GALNTL6: variants seen among roughly 807,000 people sequenced by gnomAD.
GALNTL6 encodes polypeptide N-acetylgalactosaminyltransferase like 6.
In GALNTL6, 46 loss-of-function variants were observed where a neutral mutation model predicts 73.7. The observed-to-expected ratio is 0.62, with a 90% CI of 0.49 to 0.80. The LOEUF is 0.80. GALNTL6 is among the 30% of genes least tolerant of loss of function. The pLI is 0.00. For synonymous variants in GALNTL6, 259 were observed against 263.7 expected, an observed-to-expected ratio of 0.98 and a Z score of 0.17; for missense variants, 604 against 755.0, an observed-to-expected ratio of 0.80 and a Z score of 2.34.
At chr4:172,826,289 T>A (rs1354544745) in intron 7 of GALNTL6, among the ~76,000 whole-genome samples, 1 of 152,220 alleles carries the variant, frequency 6.6e-6, no homozygotes, top group Non-Finnish European at 1.5e-5. Flanking sequence ...GCATGGAGAA[T>A]TGCTCCTTAG....
rs187745654 is a variant in GALNTL6, at chr4:172,811,307, A to G, written c.739+1761A>G. 6.6e-5 allele frequency among the ~76,000 whole-genome samples: 10 copies of G among 152,362 alleles called. No homozygotes were observed. In the East Asian group the frequency reaches 1.2e-3, roughly 18 times the overall value. On this transcript the variant is annotated intron_variant, in intron 6 of 12. Coordinates refer to ENST00000506823, the MANE Select transcript of GALNTL6 (RefSeq NM_001034845.3). ...TTTCAACCTAAGCTAGGACAGCTGG[A>G]TAAGAGTGAAAAGGAAATTTGAAGG...
At chr4:172,211,423 A>G (rs1428090518) in intron 2 of GALNTL6, among the ~76,000 whole-genome samples, 1 of 152,180 alleles carries the variant, frequency 6.6e-6, no homozygotes, top group Non-Finnish European at 1.5e-5. Flanking sequence ...TTAGGTCTCT[A>G]ACTCTAGTTC....
chr4:172,304,385 T>C (rs150772452), intron 3 of GALNTL6, among the ~76,000 whole-genome samples: 6 of 150,342 alleles, frequency 4.0e-5, no homozygotes, highest in East Asian at 2.0e-4. Context: ...AGTCGGTTAA[T>C]AGGTGAAAAC....
At chr4:171,892,430 G>GA (rs1232277629) in intron 2 of GALNTL6, among the ~76,000 whole-genome samples, 2 of 152,090 alleles carry the variant, frequency 1.3e-5, no homozygotes, top group Non-Finnish European at 2.9e-5. Context: ...AAAGAGAAAT[G>GA]AAAAGGAAAA....
intron 7 of GALNTL6, among the ~76,000 whole-genome samples, chr4:172,875,645 C>T (rs1010073408): frequency 2.0e-5 from 3 of 151,458 alleles, no homozygotes; most frequent in Non-Finnish European, 2.9e-5. Flanking sequence ...ATTCACCAGG[C>T]GAAGCTATCT....
intron 5 of GALNTL6, among the ~76,000 whole-genome samples, chr4:172,770,317 A>C (rs1307941790): frequency 6.7e-6 from 1 of 149,568 alleles, no homozygotes; most frequent in Non-Finnish European, 1.5e-5. Context: ...TTATAGATAA[A>C]ATATTTAGCA....
intron 5 of GALNTL6, among the ~76,000 whole-genome samples, chr4:172,433,945 T>G (rs867118899): frequency 2.0e-5 from 3 of 152,276 alleles, no homozygotes; most frequent in Middle Eastern, 3.4e-3. Flanking sequence ...TCACTGAGTT[T>G]ACATACTCAC....
chr4:172,203,075 A>G (rs1219805550), intron 2 of GALNTL6, among the ~76,000 whole-genome samples: 5 of 152,216 alleles, frequency 3.3e-5, no homozygotes, highest in Admixed American at 3.3e-4. Flanking sequence ...TAAAATGTGT[A>G]CATTTGGCTA....
At chr4:172,417,412 A>T (rs963367318) in intron 5 of GALNTL6, among the ~76,000 whole-genome samples, 2 of 152,058 alleles carry the variant, frequency 1.3e-5, no homozygotes, top group Admixed American at 1.3e-4. Context: ...GTCTGTTTAT[A>T]CTTGGGATAG....
intron 4 of GALNTL6, among the ~76,000 whole-genome samples, chr4:172,320,877 A>G (rs1182909921): frequency 6.6e-6 from 1 of 152,182 alleles, no homozygotes; most frequent in Admixed American, 6.5e-5. Flanking sequence ...AACGCTGGAG[A>G]CTTAACCATG....
At chr4:172,571,057 TG>T (rs778910960) in intron 5 of GALNTL6, among the ~76,000 whole-genome samples, 2 of 152,206 alleles carry the variant, frequency 1.3e-5, no homozygotes, top group Non-Finnish European at 2.9e-5. Context: ...TTCACTCATT[TG>T]CCAACTGCTT....
chr4:172,489,815 C>T (rs1733833275), intron 5 of GALNTL6, among the ~76,000 whole-genome samples: 1 of 152,202 alleles, frequency 6.6e-6, no homozygotes, highest in South Asian at 2.1e-4. Flanking sequence ...CTGGATGGAA[C>T]ATTTGGTTAC....
At chr4:172,014,375 C>T (rs1433272215) in intron 2 of GALNTL6, among the ~76,000 whole-genome samples, 1 of 151,992 alleles carries the variant, frequency 6.6e-6, no homozygotes, top group African/African-American at 2.4e-5. Flanking sequence ...ACATTCTCAC[C>T]AGCATTTATT....
chr4:172,923,936 C>G (rs553661109), intron 8 of GALNTL6, among the ~76,000 whole-genome samples: 2 of 152,206 alleles, frequency 1.3e-5, no homozygotes, highest in South Asian at 4.2e-4. Flanking sequence ...CCGGGTACCT[C>G]ACACAACACG....
intron 5 of GALNTL6, among the ~76,000 whole-genome samples, chr4:172,376,497 C>A (rs539820626): frequency 6.6e-6 from 1 of 152,170 alleles, no homozygotes; most frequent in African/African-American, 2.4e-5. Flanking sequence ...GGCAAACCAA[C>A]GCTCCCAACT....
intron 2 of GALNTL6, among the ~76,000 whole-genome samples, chr4:172,091,278 C>A (rs1041685795): frequency 6.6e-6 from 1 of 152,128 alleles, no homozygotes; most frequent in Non-Finnish European, 1.5e-5. Flanking sequence ...GCTGGCTTTG[C>A]TGGAACTTGT....
intron 5 of GALNTL6, among the ~76,000 whole-genome samples, chr4:172,688,799 C>T (rs1236956537): frequency 1.3e-5 from 2 of 152,264 alleles, no homozygotes; most frequent in African/African-American, 4.8e-5. Context: ...GGAGAGTACC[C>T]ATGATTCTAG....
At chr4:172,910,768 T>A (rs1460714111) in intron 8 of GALNTL6, among the ~76,000 whole-genome samples, 2 of 152,190 alleles carry the variant, frequency 1.3e-5, no homozygotes, top group African/African-American at 4.8e-5. Flanking sequence ...TGTTGAATAG[T>A]GTTCTCTGCA....
intron 2 of GALNTL6, among the ~76,000 whole-genome samples, chr4:172,122,399 T>A (rs571892724): frequency 6.6e-5 from 10 of 152,132 alleles, no homozygotes; most frequent in African/African-American, 2.4e-4. Flanking sequence ...ATCATTCTAG[T>A]TTGCAGTTTG....
Sources: allele counts gnomAD v4.1 joint callset (sites outside exome capture counted in the v4.1 genomes callset), GRCh38; gene constraint gnomAD v4.1.1; transcripts MANE v1.5; gene names NCBI Gene and HGNC (gene_info 2026-07-23, HGNC 2026-07-21).